GPD2: variants seen among roughly 807,000 people sequenced by gnomAD.
The protein encoded by GPD2 is glycerol-3-phosphate dehydrogenase, mitochondrial.
Under a neutral mutation model 82.4 loss-of-function variants are expected in GPD2, and 54 were observed. The ratio of observed to expected loss-of-function variants is 0.66; its 90% CI spans 0.53 to 0.82. GPD2 has a LOEUF of 0.82. Among genes scored for constraint, GPD2 ranks in the 40% least tolerant of loss-of-function variants. The probability of loss-of-function intolerance (pLI) is 0.00; values close to 1 mark genes in which losing one functional copy is unlikely to be tolerated. For missense variants in GPD2, 748 were observed against 896.2 expected (o/e 0.83, Z 2.11); for synonymous variants, 288 against 306.1 (o/e 0.94, Z 0.62).
chr2:156,522,329 A>G (rs1685439845), intron 6 of GPD2, among the ~76,000 whole-genome samples: 1 of 152,246 alleles, frequency 6.6e-6, no homozygotes, highest in Admixed American at 6.5e-5. Context: ...GTAGTCATCC[A>G]TATTTGTACT....
intron 1 of GPD2, among the ~76,000 whole-genome samples, chr2:156,456,351 C>T (rs865874166): frequency 4.6e-5 from 7 of 152,106 alleles, no homozygotes; most frequent in African/African-American, 1.2e-4. Context: ...CATCTATAAC[C>T]GTAGCACTTT....
intron 1 of GPD2, among the ~76,000 whole-genome samples, chr2:156,475,602 A>G (rs1683482563): frequency 6.6e-6 from 1 of 152,172 alleles, no homozygotes; most frequent in African/African-American, 2.4e-5. Flanking sequence ...TTAGAAAGGG[A>G]AAAACTTGGG....
intron 6 of GPD2, among the ~76,000 whole-genome samples, chr2:156,531,656 T>A (rs1210187189): frequency 6.6e-6 from 1 of 152,104 alleles, no homozygotes; most frequent in Non-Finnish European, 1.5e-5. Flanking sequence ...GGCCACTGAG[T>A]CTGCACCATG....
chr2:156,539,675 C>A (rs903470689), intron 6 of GPD2, among the ~76,000 whole-genome samples: 1 of 152,118 alleles, frequency 6.6e-6, no homozygotes, highest in African/African-American at 2.4e-5. Flanking sequence ...TCGAAATCAC[C>A]CCTGGGGCAG....
At chr2:156,418,819 A>C in the GPD2 span, among the ~76,000 whole-genome samples, 3 of 152,106 alleles carry the variant, frequency 2.0e-5, no homozygotes, top group Non-Finnish European at 1.5e-5. Flanking sequence ...AGAACAGATT[A>C]ATTTGTACAT....
chr2:156,442,371 A>G (rs1682205130), intron 1 of GPD2, among the ~76,000 whole-genome samples: 1 of 152,364 alleles, frequency 6.6e-6, no homozygotes, highest in African/African-American at 2.4e-5. Flanking sequence ...GTTTATGTTC[A>G]GGGTAAACTT....
chr2:156,512,804 G>GT (rs1256312274), intron 5 of GPD2, among the ~76,000 whole-genome samples: 1 of 152,180 alleles, frequency 6.6e-6, no homozygotes, highest in Non-Finnish European at 1.5e-5. Context: ...TTTTCCTAAT[G>GT]TTTTTAGAGC....
At position 156,569,399 on chromosome 2, in the gene GPD2, A is replaced by T; in HGVS notation, c.1337A>T (p.Asp446Val). 6.2e-7 allele frequency: 1 copy of T among 1,611,200 alleles called. No individual in the cohort carries two copies. Among genetic ancestry groups the T allele is most frequent in the Non-Finnish European group, 8.5e-7 (1 of 1,177,486 alleles). The change falls in exon 11 of 17, where the codon GAT (aspartate) becomes GTT (valine). Residue 446 changes from aspartate to valine, a missense_variant. Asp to Val is a radical substitution (Grantham distance 152). Around this residue, in one of 3 missense-constraint regions of GPD2, gnomAD observed 692 missense variants for 809.7 expected, o/e 0.85. Coordinates refer to ENST00000438166, the MANE Select transcript of GPD2 (RefSeq NM_000408.5). Reference protein sequence around the residue: ...KWTTYRSMAEDTINAAVKTHN... With the variant: ...KWTTYRSMAEVTINAAVKTHN... ...ACAACTTATCGGTCTATGGCAGAAGATACCATAAATGCTGCTGTCAAAACT... is the reference window on the plus strand; with the variant it reads ...ACAACTTATCGGTCTATGGCAGAAGTTACCATAAATGCTGCTGTCAAAACT...
intron 6 of GPD2, among the ~76,000 whole-genome samples, chr2:156,518,054 C>T (rs1356085535): frequency 1.3e-5 from 2 of 152,156 alleles, no homozygotes; most frequent in African/African-American, 2.4e-5. Flanking sequence ...AATTACATTG[C>T]CTTTTCCTAA....
chr2:156,474,939 G>GAA (rs1194567887), intron 1 of GPD2, among the ~76,000 whole-genome samples: 3 of 120,356 alleles, frequency 2.5e-5, no homozygotes, highest in African/African-American at 3.1e-5. Flanking sequence ...TGTCTCTACA[G>GAA]AAAAAAAAAA....
intron 6 of GPD2, among the ~76,000 whole-genome samples, chr2:156,528,280 T>C (rs1274865008): frequency 6.6e-6 from 1 of 152,064 alleles, no homozygotes; most frequent in Non-Finnish European, 1.5e-5. Context: ...TTTTGCCTTT[T>C]TCCTCTGTCT....
chr2:156,578,828 AAGG>A (rs1687916367), intron 13 of GPD2, 58 bp from the exon 14 acceptor site: 8 of 972,402 alleles, frequency 8.2e-6, no homozygotes, highest in Non-Finnish European at 1.3e-5. Context: ...ACAGTAAAAA[AAGG>A]AGGAAAAAAA....
intron 1 of GPD2, among the ~76,000 whole-genome samples, chr2:156,437,971 G>A (rs1222188350): frequency 6.6e-6 from 1 of 152,170 alleles, no homozygotes; most frequent in East Asian, 1.9e-4. Context: ...CTGTTTGGTT[G>A]TTTTCTTTCA....
chr2:156,541,820 G>GTTT lies in GPD2; in HGVS notation c.662-7787_662-7785dup, dbSNP rs1397587048. Among the ~76,000 whole-genome samples the GTTT allele has an allele frequency of 3.6e-3, 121 of 33,590 alleles. 1 individual carries two copies. The highest frequency in any genetic ancestry group is 0.033 in the East Asian group (44 of 1,322). 22.0% of individuals were successfully genotyped at this position (33,590 alleles called of 152,430 possible). A position where few individuals can be genotyped will look rare whatever the true frequency, so the allele number is the denominator to read the frequency against. The stretch of plus-strand genomic sequence containing the variant: ...TTCTTCCTTAAACGTATAAAATGCT[G>GTTT]TTTGTTTTTTTTTTTTTTTTTTTTT... On this transcript the variant is annotated intron_variant, in intron 6 of 16. Coordinates refer to ENST00000438166, the MANE Select transcript of GPD2 (RefSeq NM_000408.5).
upstream of GPD2, among the ~76,000 whole-genome samples, chr2:156,433,917 G>A (rs1321676208): frequency 6.6e-6 from 1 of 152,062 alleles, no homozygotes; most frequent in Non-Finnish European, 1.5e-5. Context: ...CAGTGAGAAG[G>A]AAATCCAGGA....
intron 13 of GPD2, among the ~76,000 whole-genome samples, chr2:156,577,590 G>A (rs2105375696): frequency 6.6e-6 from 1 of 152,226 alleles, no homozygotes; most frequent in Non-Finnish European, 1.5e-5. Flanking sequence ...ATGTGTCATT[G>A]CTTCATTTTC....
intron 1 of GPD2, among the ~76,000 whole-genome samples, chr2:156,464,928 A>G (rs927240877): frequency 8.6e-5 from 13 of 151,458 alleles, no homozygotes; most frequent in Admixed American, 2.6e-4. Context: ...TTGGCTCACT[A>G]AAGCCTCCAC....
chr2:156,416,027 A>G, the GPD2 span, among the ~76,000 whole-genome samples: 2 of 98,740 alleles, frequency 2.0e-5, no homozygotes, highest in South Asian at 6.2e-4. Context: ...TCTCAAAAAA[A>G]AAAAAAAACA....
upstream of GPD2, among the ~76,000 whole-genome samples, chr2:156,434,296 G>A (rs888481139): frequency 6.6e-6 from 1 of 152,004 alleles, no homozygotes; most frequent in East Asian, 1.9e-4. Flanking sequence ...TAGAGATAGG[G>A]TTTCACCATG....
Sources: gnomAD v4.1 joint callset for allele counts (sites outside exome capture counted in the v4.1 genomes callset) on GRCh38, gnomAD v4.1.1 for gene constraint, gnomAD v4.1.1 regional missense constraint, MANE v1.5 for transcripts, NCBI Gene and HGNC (gene_info 2026-07-23, HGNC 2026-07-21) for gene names.